RIMS2: variants seen among roughly 807,000 people sequenced by gnomAD.
The protein encoded by RIMS2 is regulating synaptic membrane exocytosis 2.
RIMS2 carries 59 observed loss-of-function variants against 174.4 expected under a neutral mutation model. The ratio of observed to expected loss-of-function variants is 0.34; its 90% confidence interval spans 0.27 to 0.42. RIMS2 has a LOEUF of 0.42. RIMS2 is among the 10% of genes least tolerant of loss of function. The pLI is 1.00. For missense variants in RIMS2, 1,620 were observed against 1,666.3 expected (o/e 0.97, Z 0.48); for synonymous variants, 606 against 572.5 (o/e 1.06, Z -0.84).
chr8:103,679,847 C>T (rs1210642659), intron 1 of RIMS2, among the ~76,000 whole-genome samples: 1 of 152,004 alleles, frequency 6.6e-6, no homozygotes, highest in Non-Finnish European at 1.5e-5. Context: ...CTTTTATCTA[C>T]ATCAAGAATT....
intron 3 of RIMS2, chr8:103,768,535 A>C (rs890430291): frequency 4.0e-6 from 6 of 1,485,252 alleles, no homozygotes; most frequent in Non-Finnish European, 5.6e-6. Context: ...CCTGTTACAG[A>C]CCAAGGAGAA....
At chr8:103,816,297 A>G (rs1299126066) in intron 3 of RIMS2, among the ~76,000 whole-genome samples, 1 of 152,202 alleles carries the variant, frequency 6.6e-6, no homozygotes, top group East Asian at 1.9e-4. Context: ...GAACCAGATG[A>G]AGTCCTGTGG....
intron 19 of RIMS2, among the ~76,000 whole-genome samples, chr8:104,224,190 A>G (rs989928058): frequency 6.6e-6 from 1 of 152,234 alleles, no homozygotes; most frequent in Non-Finnish European, 1.5e-5. Context: ...GAAATGCAGC[A>G]GCAAAACTTT....
chr8:104,128,432 C>G (rs1388017628), intron 19 of RIMS2, among the ~76,000 whole-genome samples: 1 of 152,208 alleles, frequency 6.6e-6, no homozygotes, highest in Admixed American at 6.5e-5. Flanking sequence ...CCCAGTGGTT[C>G]ACGCCTGTAA....
intron 2 of RIMS2, among the ~76,000 whole-genome samples, chr8:103,752,300 A>T (rs1258318523): frequency 2.0e-5 from 3 of 152,030 alleles, no homozygotes; most frequent in African/African-American, 7.3e-5. Context: ...GTTCTGTTCC[A>T]TTGATCTATA....
intron 4 of RIMS2, among the ~76,000 whole-genome samples, chr8:103,896,611 G>T (rs1225653518): frequency 2.0e-5 from 3 of 151,514 alleles, no homozygotes; most frequent in Non-Finnish European, 4.4e-5. Context: ...TTGTGAGTTT[G>T]GAATTCAGGC....
At chr8:103,708,358 A>G (rs928498252) in intron 2 of RIMS2, among the ~76,000 whole-genome samples, 3 of 152,134 alleles carry the variant, frequency 2.0e-5, no homozygotes, top group Admixed American at 2.0e-4. Flanking sequence ...CACTCTAAGC[A>G]TATATTCTTT....
chr8:103,853,368 T>C (rs1222516051), intron 3 of RIMS2, among the ~76,000 whole-genome samples: 1 of 152,152 alleles, frequency 6.6e-6, no homozygotes, highest in Non-Finnish European at 1.5e-5. Context: ...TCTTTTGCTA[T>C]GCAGAAACTC....
chr8:103,875,607 C>G (rs1032819361), intron 3 of RIMS2, among the ~76,000 whole-genome samples: 1 of 151,810 alleles, frequency 6.6e-6, no homozygotes, highest in African/African-American at 2.4e-5. Flanking sequence ...GACTTATTTT[C>G]CTTTGGATAG....
intron 1 of RIMS2, among the ~76,000 whole-genome samples, chr8:103,692,149 C>G (rs2097034709): frequency 6.6e-6 from 1 of 152,190 alleles, no homozygotes; most frequent in Non-Finnish European, 1.5e-5. Context: ...TGCGCTGGGT[C>G]AGACCTAAAG....
chr8:103,919,027 C>T (rs1395063385), intron 9 of RIMS2, among the ~76,000 whole-genome samples: 1 of 152,086 alleles, frequency 6.6e-6, no homozygotes, highest in Non-Finnish European at 1.5e-5. Flanking sequence ...ACAATAAATA[C>T]AGAAGTTTAA....
intron 3 of RIMS2, among the ~76,000 whole-genome samples, chr8:103,776,053 G>C (rs1462982089): frequency 6.6e-6 from 1 of 152,112 alleles, no homozygotes; most frequent in Non-Finnish European, 1.5e-5. Context: ...GATTTTATAT[G>C]AAGTATTTTA....
chr8:103,851,711 A>G (rs1340943610), intron 3 of RIMS2, among the ~76,000 whole-genome samples: 1 of 151,742 alleles, frequency 6.6e-6, no homozygotes, highest in East Asian at 1.9e-4. Flanking sequence ...CAAAAGTTTA[A>G]GATTCAAAGA....
intron 19 of RIMS2, among the ~76,000 whole-genome samples, chr8:104,025,314 T>C (rs1442388582): frequency 2.6e-5 from 4 of 152,022 alleles, no homozygotes; most frequent in Non-Finnish European, 5.9e-5. Flanking sequence ...ACCCTGCCTC[T>C]ACCAAAAACA....
intron 17 of RIMS2, among the ~76,000 whole-genome samples, chr8:103,989,748 T>C (rs2094568522): frequency 6.6e-6 from 1 of 152,224 alleles, no homozygotes; most frequent in Non-Finnish European, 1.5e-5. Context: ...TTATTTTTCT[T>C]GTCATAAACA....
intron 19 of RIMS2, among the ~76,000 whole-genome samples, chr8:104,108,307 A>T (rs1368113993): frequency 6.6e-6 from 1 of 152,028 alleles, no homozygotes; most frequent in Non-Finnish European, 1.5e-5. Flanking sequence ...GCATGATCAT[A>T]TCTCACTGCA....
chr8:104,253,457 C>T (rs1179671646), downstream of RIMS2: 1 of 152,066 alleles, frequency 6.6e-6, no homozygotes, highest in Non-Finnish European at 1.5e-5. Context: ...AAATTTGCAA[C>T]AATTTTAAAG....
chr8:103,867,624 A>C (rs1172812012), intron 3 of RIMS2, among the ~76,000 whole-genome samples: 1 of 152,008 alleles, frequency 6.6e-6, no homozygotes, highest in East Asian at 1.9e-4. Context: ...GAGGAATTAC[A>C]AAATTAGTTG....
At chr8:103,732,153 A>AGGG in intron 2 of RIMS2, among the ~76,000 whole-genome samples, 1 of 152,294 alleles carries the variant, frequency 6.6e-6, no homozygotes, top group South Asian at 2.1e-4. Context: ...TATCTACGTA[A>AGGG]GGGGGTACCC....
Sources: allele counts gnomAD v4.1 joint callset (sites outside exome capture counted in the v4.1 genomes callset), GRCh38; gene constraint gnomAD v4.1.1; transcripts MANE v1.5; gene names NCBI Gene and HGNC (gene_info 2026-07-23, HGNC 2026-07-21).